The following HP variants were observed in gnomAD, a reference collection of about 807,000 sequenced individuals.
HP encodes haptoglobin.
In HP, 9 loss-of-function variants were observed where a neutral mutation model predicts 23.2. That is an observed-to-expected ratio of 0.39 (90% CI 0.23 to 0.68). The LOEUF (loss-of-function observed/expected upper bound fraction) is 0.68, where lower values mean the gene tolerates loss of function less well. Ranked by LOEUF, HP falls within the 30% of genes least tolerant of loss-of-function variation. HP has a pLI of 0.47. For missense variants in HP, 433 were observed against 483.6 expected, an observed-to-expected ratio of 0.90 and a Z score of 0.98; for synonymous variants, 155 against 183.3, an observed-to-expected ratio of 0.85 and a Z score of 1.25.
rs1239180238 is a variant in HP at position 72,054,602 on chromosome 16, G to C, written c.-51G>C. 6.2e-7 allele frequency: 1 copy of C among 1,602,154 alleles called. No individual in the cohort carries two copies. The highest frequency in any genetic ancestry group is 1.7e-5 in the Admixed American group (1 of 58,068). ...AAGTGAGCTAGTGGCAGCATAAAAAGACCAGCAGATGCCCCACAGCACTGC... is the reference window on the plus strand; with the variant it reads ...AAGTGAGCTAGTGGCAGCATAAAAACACCAGCAGATGCCCCACAGCACTGC... On this transcript the variant is annotated 5_prime_UTR_variant, in exon 1 of 7. Transcript: ENST00000355906.
rs773643756 is a variant in HP, at chr16:72,059,163, A to T, written c.417A>T (p.Gly139=). ...NEKQWINKAV[G]DKLPECEAVC... ...AGCAGTGGATAAATAAGGCTGTTGG[A>T]GATAAACTTCCTGAATGTGAAGCAG... is the stretch of plus-strand genomic sequence containing the variant. The change falls in exon 6 of 7, where the codon GGA becomes GGT. Residue 139 remains glycine, a synonymous_variant. Transcript: ENST00000355906. The T allele has an allele frequency of 6.4e-7, 1 of 1,565,430 alleles. No homozygotes were observed. The highest frequency in any genetic ancestry group is 1.1e-5 in the South Asian group (1 of 90,428).
chr16:72,055,723 C>A, intron 1 of HP: 1 of 255,512 alleles, frequency 3.9e-6, no homozygotes, highest in Non-Finnish European at 7.9e-6. Context: ...CACAGTAAGC[C>A]CAAAGTTCCC....
At chr16:72,055,061 A>C in intron 1 of HP, 1 of 324,658 alleles carries the variant, frequency 3.1e-6, no homozygotes, top group Non-Finnish European at 5.7e-6. Context: ...GATACACACT[A>C]ATACCTGGGA....
At chr16:72,054,809 C>T (rs879417126) in intron 1 of HP, 152 bp downstream of exon 1, 23 of 900,564 alleles carry the variant, frequency 2.6e-5, no homozygotes, top group Admixed American at 1.1e-4. Context: ...AAATCTTCTC[C>T]TTTTCTGCAT....
Position 72,056,563 on chromosome 16 carries a change from A to G in HP, c.122A>G (p.His41Arg). ...DGCPKPPEIA[H>R]GYVEHSVRYQ... ...TGCCCGAAGCCCCCCGAGATTGCAC[A>G]TGGCTATGTGGAGCACTCGGTTCGC... The change falls in exon 3 of 7, where the codon CAT (histidine) becomes CGT (arginine). Residue 41 changes from histidine to arginine, a missense_variant. His to Arg is a conservative substitution (Grantham distance 29). Around this residue, in one of 3 missense-constraint regions of HP, gnomAD observed 71 missense variants for 54.2 expected, o/e 1.31. Transcript: ENST00000355906. 3 of 1,477,630 alleles carry G rather than the reference A, an allele frequency of 2.0e-6. No homozygotes were observed. Among genetic ancestry groups the G allele is most frequent in the Non-Finnish European group, 2.7e-6 (3 of 1,091,760 alleles). 91.5% of individuals were successfully genotyped at this position (1,477,630 alleles called of 1,614,324 possible).
intron 2 of HP, 63 bp downstream of exon 2, chr16:72,056,306 C>T: frequency 6.3e-7 from 1 of 1,575,084 alleles, no homozygotes; most frequent in South Asian, 1.1e-5. Flanking sequence ...TGCACTCTCT[C>T]TGAGAACACC....
At chr16:72,059,492 C>T (rs1567584591) in intron 6 of HP, 1 of 435,080 alleles carries the variant, frequency 2.3e-6, no homozygotes, top group East Asian at 4.3e-5. Flanking sequence ...GAAGCAAGCT[C>T]CAGGGAGAAC....
chr16:72,057,618 A>G lies in HP; in HGVS notation c.265+152A>G. The G allele has an allele frequency of 4.3e-6, 3 of 703,274 alleles. No homozygotes were observed. In the South Asian group the frequency reaches 5.0e-5, roughly 12 times the overall value. The allele number at this position is 703,274 out of a possible 1,614,324, so 43.6% of individuals were successfully genotyped here. On this transcript the variant is annotated intron_variant, in intron 4 of 6. Coordinates refer to ENST00000355906, the MANE Select transcript of HP (RefSeq NM_005143.5). ...CCGCAGCTGGCCAGGGAGAGACTTA[A>G]GCAGTTAGGTGATGACTCCCTAAGG...
Position 72,054,669 on chromosome 16 carries a change from G to C in HP, c.5+12G>C, listed in dbSNP as rs760556128. 3.1e-6 allele frequency: 5 copies of C among 1,612,398 alleles called. No individual in the cohort carries two copies. The highest frequency in any genetic ancestry group is 4.2e-6 in the Non-Finnish European group (5 of 1,179,150). Reference sequence around the variant, plus strand: ...CCAACCAAGATGAGGTGGGTCCACAGCTTTCCCTCCTGCCTTTCCTCTGGT... The same window carrying C: ...CCAACCAAGATGAGGTGGGTCCACACCTTTCCCTCCTGCCTTTCCTCTGGT... On this transcript the variant is annotated intron_variant, in intron 1 of 6. Transcript: ENST00000355906.
Position 72,060,437 on chromosome 16 carries a change from G to A in HP, c.768G>A (p.Val256=). ...GGCTCATCAAACTCAAACAGAAGGT[G>A]TCTGTTAATGAGAGAGTGATGCCCA... ...DIGLIKLKQK[V]SVNERVMPIC... is the part of the protein sequence containing the mutation. The change falls in exon 7 of 7, where the codon GTG becomes GTA. Residue 256 remains valine, a synonymous_variant. Transcript: ENST00000355906. 6.2e-7 allele frequency: 1 copy of A among 1,614,168 alleles called. No individual in the cohort carries two copies. The highest frequency in any genetic ancestry group is 8.5e-7 in the Non-Finnish European group (1 of 1,180,016).
chr16:72,056,026 T>C lies in HP; in HGVS notation c.6-135T>C, dbSNP rs578114456. Reference sequence around the variant, plus strand: ...ACTTCCATATATCGACTTTCTTTTCTGGCTGCTAAGTGGGAGGAGTGTGTG... The same window carrying C: ...ACTTCCATATATCGACTTTCTTTTCCGGCTGCTAAGTGGGAGGAGTGTGTG... On this transcript the variant is annotated intron_variant, in intron 1 of 6. Transcript: ENST00000355906. 3 of 1,424,086 alleles carry C rather than the reference T, an allele frequency of 2.1e-6. No homozygotes were observed. The East Asian group carries it at 7.3e-5, about 35-fold the overall frequency. 88.2% of individuals were successfully genotyped at this position (1,424,086 alleles called of 1,614,324 possible). A position where few individuals can be genotyped will look rare whatever the true frequency, so the allele number is the denominator to read the frequency against.
rs990443435 is a variant in HP at position 72,059,057 on chromosome 16, C to T, written c.368-57C>T. On this transcript the variant is annotated intron_variant, in intron 5 of 6. Transcript: ENST00000355906. ...TCTTCTCTTTAAATGCCTTCTCACT[C>T]TGCACGGGGTCTAGACTTGACTTCT... The T allele has an allele frequency of 1.5e-5, 23 of 1,488,578 alleles. 1 individual carries two copies. In the Admixed American group the frequency reaches 3.8e-4, roughly 24 times the overall value. The allele number at this position is 1,488,578 out of a possible 1,614,324, so 92.2% of individuals were successfully genotyped here.
rs1234786972 is a variant in HP at position 72,058,977 on chromosome 16, A to G, written c.368-137A>G. On this transcript the variant is annotated intron_variant, in intron 5 of 6. Coordinates refer to ENST00000355906, the MANE Select transcript of HP (RefSeq NM_005143.5). ...AGCACTCTTTCCCTTCCTCCTTCTCATATACTCTCTCCTTTTCCCCTTCCT... is the reference window on the plus strand; with the variant it reads ...AGCACTCTTTCCCTTCCTCCTTCTCGTATACTCTCTCCTTTTCCCCTTCCT... 9.7e-5 allele frequency: 96 copies of G among 987,526 alleles called. 1 individual carries two copies. In the East Asian group the frequency reaches 2.4e-3, roughly 24 times the overall value. The allele number at this position is 987,526 out of a possible 1,614,324, so 61.2% of individuals were successfully genotyped here.
At chr16:72,055,476 G>A (rs1567582787) in intron 1 of HP, 2 of 160,176 alleles carry the variant, frequency 1.2e-5, no homozygotes, top group African/African-American at 4.8e-5. Context: ...TGCCCGAATG[G>A]TTGGCATTTG....
chr16:72,057,771 C>A lies in HP; in HGVS notation c.265+305C>A, dbSNP rs1156826585. 11 of 398,752 alleles carry A rather than the reference C, an allele frequency of 2.8e-5. 2 individuals are homozygous for A. The Admixed American group carries it at 5.2e-4, about 19-fold the overall frequency. The allele number at this position is 398,752 out of a possible 1,614,324, so 24.7% of individuals were successfully genotyped here. On this transcript the variant is annotated intron_variant, in intron 4 of 6. Transcript: ENST00000355906. Reference sequence around the variant, plus strand: ...AGAAAGCCCTGGGTCTAAGGAGAAGCAAGCTCCAGGGAGAACAAGTCAAGG... The same window carrying A: ...AGAAAGCCCTGGGTCTAAGGAGAAGAAAGCTCCAGGGAGAACAAGTCAAGG...
intron 3 of HP, 163 bp downstream of exon 3, chr16:72,056,794 T>C: frequency 2.6e-6 from 1 of 389,142 alleles, no homozygotes; most frequent in East Asian, 4.2e-5. Context: ...CCATGGCCCT[T>C]TGGGCAGACT....
intron 1 of HP, 120 bp downstream of exon 1, chr16:72,054,777 G>T: frequency 1.3e-6 from 2 of 1,525,576 alleles, no homozygotes; most frequent in Non-Finnish European, 8.9e-7. Context: ...AAATTATAGT[G>T]AACCAAAGGG....
intron 1 of HP, chr16:72,055,553 G>A (rs541630987): frequency 1.3e-4 from 21 of 166,122 alleles, no homozygotes; most frequent in Admixed American, 4.4e-4. Context: ...TCCTGCTTTT[G>A]GACACCAGTT....
At position 72,060,130 on chromosome 16, in the gene HP, A is replaced by G; in HGVS notation, c.461A>G (p.Asn154Ser). 6.2e-7 allele frequency: 1 copy of G among 1,613,590 alleles called. No homozygotes were observed. The highest frequency in any genetic ancestry group is 2.2e-5 in the East Asian group (1 of 44,754). The change falls in exon 7 of 7, where the codon AAT becomes AGT. Residue 154 changes from asparagine (N) to serine (S), a missense_variant. Asn to Ser is a conservative substitution (Grantham distance 46). This residue lies in a region of HP where 326 missense variants were observed against 358.1 expected (regional missense o/e 0.91). Coordinates refer to ENST00000355906, the MANE Select transcript of HP (RefSeq NM_005143.5). ...TTGACAGTATGTGGGAAGCCCAAGA[A>G]TCCGGCAAACCCAGTGCAGCGGATC... ...ECEAVCGKPK[N>S]PANPVQRILG...
Sources: gnomAD v4.1 joint callset for allele counts on GRCh38, gnomAD v4.1.1 for gene constraint, gnomAD v4.1.1 regional missense constraint, MANE v1.5 for transcripts, NCBI Gene and HGNC (gene_info 2026-07-23, HGNC 2026-07-21) for gene names.